The following ZMYM4 variants were observed in gnomAD, a reference collection of about 807,000 sequenced individuals.
ZMYM4 encodes zinc finger MYM-type containing 4, also known as zinc finger MYM-type protein 4.
Under a neutral mutation model 183.2 loss-of-function variants are expected in ZMYM4, and 31 were observed. The observed-to-expected ratio is 0.17, with a 90% CI of 0.13 to 0.23. The LOEUF is 0.23. Among genes scored for constraint, ZMYM4 ranks in the 10% least tolerant of loss-of-function variants. The probability of loss-of-function intolerance (pLI) is 1.00; values close to 1 mark genes in which losing one functional copy is unlikely to be tolerated. For missense variants in ZMYM4, 1,273 were observed against 1,840.3 expected (o/e 0.69, Z 5.64); for synonymous variants, 592 against 631.2 (o/e 0.94, Z 0.93).
intron 18 of ZMYM4, among the ~76,000 whole-genome samples, chr1:35,395,211 T>C (rs1346870676): frequency 6.6e-6 from 1 of 151,974 alleles, no homozygotes; most frequent in African/African-American, 2.4e-5. Context: ...TTTTTTTTTT[T>C]TTAATCAATA....
At chr1:35,382,145 C>CAA (rs1319746303) in intron 9 of ZMYM4, among the ~76,000 whole-genome samples, 1 of 92,710 alleles carries the variant, frequency 1.1e-5, no homozygotes, top group Non-Finnish European at 2.3e-5. Flanking sequence ...AACTCCGTCT[C>CAA]AAAAAAAAAA....
Position 35,399,478 on chromosome 1 carries a change from A to G in ZMYM4, c.3434-4A>G, listed in dbSNP as rs1190370773. ...CATGTTGTCCTTTCTGCTGATTATT[A>G]TAGACTCCTTTGACCCACTTAATAA... On this transcript the variant is annotated splice_polypyrimidine_tract_variant and splice_region_variant and intron_variant, in intron 22 of 29. Transcript: ENST00000314607. The G allele has an allele frequency of 2.5e-6, 4 of 1,613,688 alleles. No homozygotes were observed. Among genetic ancestry groups the G allele is most frequent in the African/African-American group, 1.3e-5 (1 of 74,896 alleles).
At chr1:35,318,930 A>G (rs1349493642) in intron 1 of ZMYM4, among the ~76,000 whole-genome samples, 2 of 152,186 alleles carry the variant, frequency 1.3e-5, no homozygotes, top group East Asian at 1.9e-4. Context: ...CTTGTTGCCC[A>G]GGGTGGAGTG....
Position 35,334,206 on chromosome 1 carries a change from C to G in ZMYM4, c.85+8801C>G, listed in dbSNP as rs1322158362. On this transcript the variant is annotated intron_variant, in intron 2 of 29. Transcript: ENST00000314607. ...TGGGGGCACATGCCTGTAGTCCCAG[C>G]TACTTGAGAGGCTGAGGTGGGAAAA... is the stretch of plus-strand genomic sequence containing the variant. Among the ~76,000 whole-genome samples, 6 of 152,226 alleles carry G rather than the reference C, an allele frequency of 3.9e-5. No homozygotes were observed. The East Asian group carries it at 9.7e-4, about 24-fold the overall frequency.
At chr1:35,388,832 G>A (rs1250462803) in intron 13 of ZMYM4, 78 bp from the exon 14 acceptor site, 1 of 1,373,364 alleles carries the variant, frequency 7.3e-7, no homozygotes, top group East Asian at 2.4e-5. Flanking sequence ...CACTGCACCG[G>A]GCCTGTCCTA....
intron 1 of ZMYM4, among the ~76,000 whole-genome samples, chr1:35,313,638 G>C (rs7551079): frequency 0.99 from 150,774 of 152,082 alleles, 74,752 homozygotes; most frequent in Non-Finnish European, 1. Flanking sequence ...ATCCACCCAG[G>C]TTGGCCTCCC....
rs1227302986 is a variant in ZMYM4 at position 35,415,662 on chromosome 1, G to A, written c.4257G>A (p.Lys1419=). 1.9e-6 allele frequency: 3 copies of A among 1,614,088 alleles called. No individual in the cohort carries two copies. Among genetic ancestry groups the A allele is most frequent in the South Asian group, 2.2e-5 (2 of 91,088 alleles). The part of the protein sequence containing the change: ...RRTRTLKYST[K]MTYLRFFPPL... ...CCAGGACTCTGAAGTACAGTACCAAGATGACATATCTGAGGTTCTTCCCAC... is the reference window on the plus strand; with the variant it reads ...CCAGGACTCTGAAGTACAGTACCAAAATGACATATCTGAGGTTCTTCCCAC... Residue 1419 remains lysine, a synonymous_variant, in exon 28 of 30, where the codon AAG becomes AAA. Transcript: ENST00000314607.
intron 2 of ZMYM4, among the ~76,000 whole-genome samples, chr1:35,343,696 C>G (rs867555796): frequency 6.6e-6 from 1 of 152,066 alleles, no homozygotes; most frequent in Non-Finnish European, 1.5e-5. Context: ...GAAACCCCAT[C>G]TCTACTAAAA....
Position 35,398,612 on chromosome 1 carries a change from G to C in ZMYM4, c.3253+146G>C, listed in dbSNP as rs1030200959. 3.5e-5 allele frequency: 29 copies of C among 827,016 alleles called. No homozygotes were observed. In the African/African-American group the frequency reaches 4.7e-4, roughly 13 times the overall value. The allele number at this position is 827,016 out of a possible 1,614,324, so 51.2% of individuals were successfully genotyped here. ...TGTATATGAAGTGTACTAATTTGTA[G>C]TGAGAATAATAAAAGCCACTCAAAT... On this transcript the variant is annotated intron_variant, in intron 21 of 29. Coordinates refer to ENST00000314607, the MANE Select transcript of ZMYM4 (RefSeq NM_005095.3).
intron 4 of ZMYM4, 69 bp from the exon 5 acceptor site, chr1:35,361,550 G>C: frequency 6.6e-7 from 1 of 1,506,986 alleles, no homozygotes. Flanking sequence ...GCTTTTCTTT[G>C]GGTGTTAAAC....
chr1:35,360,943 AT>A (rs558784834), intron 3 of ZMYM4, among the ~76,000 whole-genome samples: 798 of 138,096 alleles, frequency 5.8e-3, no homozygotes, highest in Middle Eastern at 7.5e-3. Context: ...AGCAAAAATA[AT>A]TTTTTTTTTT....
At chr1:35,402,639 T>G (rs1483127747) in intron 23 of ZMYM4, among the ~76,000 whole-genome samples, 3 of 151,996 alleles carry the variant, frequency 2.0e-5, no homozygotes, top group Non-Finnish European at 4.4e-5. Context: ...AAAAACAATT[T>G]CATTTTTCGT....
intron 23 of ZMYM4, among the ~76,000 whole-genome samples, chr1:35,401,678 T>A (rs1359799878): frequency 6.6e-6 from 1 of 152,212 alleles, no homozygotes; most frequent in Admixed American, 6.5e-5. Flanking sequence ...CATCTAAAAA[T>A]TTTTGCCTAA....
At chr1:35,359,787 A>G (rs1444098991) in intron 3 of ZMYM4, among the ~76,000 whole-genome samples, 4 of 152,096 alleles carry the variant, frequency 2.6e-5, no homozygotes, top group Non-Finnish European at 4.4e-5. Context: ...TGTAAGCACT[A>G]ATTCAAACTG....
intron 5 of ZMYM4, among the ~76,000 whole-genome samples, chr1:35,369,113 CA>C (rs1314866825): frequency 6.6e-6 from 1 of 151,528 alleles, no homozygotes; most frequent in Non-Finnish European, 1.5e-5. Flanking sequence ...CTCCCCATCA[CA>C]AAAAAAGGAG....
chr1:35,381,089 A>G (rs907822607), intron 7 of ZMYM4, among the ~76,000 whole-genome samples, 170 bp from the exon 8 acceptor site: 3 of 152,218 alleles, frequency 2.0e-5, no homozygotes, highest in Non-Finnish European at 4.4e-5. Flanking sequence ...TAATTTAAGG[A>G]TCAAAGCAAT....
intron 18 of ZMYM4, 93 bp downstream of exon 18, chr1:35,393,832 T>C (rs1306416584): frequency 7.3e-7 from 1 of 1,379,254 alleles, no homozygotes; most frequent in Non-Finnish European, 9.6e-7. Context: ...TCCTAGGTGA[T>C]GTGTTTGGTT....
At chr1:35,274,162 G>A (rs187616293) in intron 1 of ZMYM4, among the ~76,000 whole-genome samples, 25 of 151,952 alleles carry the variant, frequency 1.6e-4, no homozygotes, top group African/African-American at 3.9e-4. Context: ...CAATATTTGC[G>A]GTTTATATGT....
At chr1:35,393,851 A>G in intron 18 of ZMYM4, 112 bp downstream of exon 18, 1 of 1,241,514 alleles carries the variant, frequency 8.1e-7, no homozygotes, top group South Asian at 2.2e-5. Flanking sequence ...TTGTTTGTAT[A>G]CATTGCCCAA....
Sources: gnomAD v4.1 joint callset for allele counts (sites outside exome capture counted in the v4.1 genomes callset) on GRCh38, gnomAD v4.1.1 for gene constraint, MANE v1.5 for transcripts, NCBI Gene and HGNC (gene_info 2026-07-23, HGNC 2026-07-21) for gene names.